LOC400499: variants seen among roughly 807,000 people sequenced by gnomAD.
At chr16:11,471,952 G>T in the LOC400499 span, 10 of 397,332 alleles carry the variant, frequency 2.5e-5, no homozygotes, top group Non-Finnish European at 3.5e-5. Context: ...ATGTAGACAG[G>T]ACTCCTGTGA....
At chr16:11,425,570 C>T in the LOC400499 span, 20 of 397,516 alleles carry the variant, frequency 5.0e-5, no homozygotes, top group Non-Finnish European at 8.4e-5. Context: ...TCAGAAATGG[C>T]ACATTTGTGA....
chr16:11,496,135 C>G, the LOC400499 span, among the ~76,000 whole-genome samples: 1 of 151,234 alleles, frequency 6.6e-6, no homozygotes, highest in Non-Finnish European at 1.5e-5. Flanking sequence ...GGCACAATCT[C>G]AGCTCACTGC....
At chr16:11,493,500 C>A in the LOC400499 span, 1 of 388,618 alleles carries the variant, frequency 2.6e-6, no homozygotes, top group South Asian at 1.4e-4. Context: ...GACCTGGATA[C>A]CTGTTCACAC....
the LOC400499 span, chr16:11,396,387 T>C: frequency 2.1e-6 from 2 of 939,700 alleles, no homozygotes; most frequent in Non-Finnish European, 2.8e-6. Context: ...TGGTTTGCAG[T>C]TCCTCAGATA....
chr16:11,460,469 G>C, the LOC400499 span: 1 of 1,518,260 alleles, frequency 6.6e-7, no homozygotes. Flanking sequence ...CCTGGCCTGG[G>C]AACCCACCTT....
chr16:11,516,457 T>C, the LOC400499 span: 1 of 397,534 alleles, frequency 2.5e-6, no homozygotes, highest in South Asian at 1.4e-4. Flanking sequence ...TAGATAGCCT[T>C]TGTTCCCTCT....
At chr16:11,436,714 A>G in the LOC400499 span, among the ~76,000 whole-genome samples, 1 of 151,678 alleles carries the variant, frequency 6.6e-6, no homozygotes, top group Non-Finnish European at 1.5e-5. Context: ...CAGCCTCCCG[A>G]GTAGCTGGAA....
the LOC400499 span, chr16:11,430,970 G>C: frequency 1.5e-5 from 6 of 398,526 alleles, no homozygotes; most frequent in Non-Finnish European, 2.2e-5. Flanking sequence ...GGGTGGAAAT[G>C]AATCTACCTT....
At chr16:11,439,255 C>T in the LOC400499 span, among the ~76,000 whole-genome samples, 1 of 152,118 alleles carries the variant, frequency 6.6e-6, no homozygotes, top group Non-Finnish European at 1.5e-5. Flanking sequence ...GAAATGTGAT[C>T]CTTCACCCCC....
At chr16:11,499,441 G>C in the LOC400499 span, among the ~76,000 whole-genome samples, 1 of 152,018 alleles carries the variant, frequency 6.6e-6, no homozygotes, top group Admixed American at 6.5e-5. Context: ...CTGGTGGCCA[G>C]CGTGCCACCT....
the LOC400499 span, chr16:11,411,175 G>A: frequency 2.0e-5 from 8 of 398,976 alleles, no homozygotes; most frequent in African/African-American, 1.4e-4. Flanking sequence ...CCCCAGAGGG[G>A]CCTGGCCCCC....
the LOC400499 span, among the ~76,000 whole-genome samples, chr16:11,502,726 C>T: frequency 6.6e-5 from 10 of 151,686 alleles, no homozygotes; most frequent in East Asian, 3.9e-4. Context: ...GCGATTCTCC[C>T]GCCTCAGCCT....
the LOC400499 span, among the ~76,000 whole-genome samples, chr16:11,449,635 G>C: frequency 7.4e-4 from 113 of 152,320 alleles, no homozygotes; most frequent in African/African-American, 2.7e-3. Flanking sequence ...CAGGAGAAGT[G>C]ACAAGGACAA....
chr16:11,424,453 C>T, the LOC400499 span: 1 of 398,622 alleles, frequency 2.5e-6, no homozygotes, highest in African/African-American at 2.1e-5. Context: ...GGCCAGCACA[C>T]CTGCTCTCTA....
the LOC400499 span, chr16:11,469,679 A>C: frequency 1.0e-5 from 4 of 398,900 alleles, no homozygotes. Flanking sequence ...TGGAAATAGC[A>C]GAGTCTTCAA....
chr16:11,460,713 C>A, the LOC400499 span: 6 of 1,415,340 alleles, frequency 4.2e-6, no homozygotes, highest in East Asian at 1.3e-4. Context: ...TCAGCCACAC[C>A]CCCCATGCTT....
chr16:11,405,161 G>A, the LOC400499 span, among the ~76,000 whole-genome samples: 2 of 152,176 alleles, frequency 1.3e-5, no homozygotes, highest in Non-Finnish European at 2.9e-5. Flanking sequence ...ACCTCTCTGA[G>A]CCTCAGTTTC....
the LOC400499 span, among the ~76,000 whole-genome samples, chr16:11,463,065 G>A: frequency 2.6e-5 from 4 of 152,178 alleles, no homozygotes; most frequent in Non-Finnish European, 5.9e-5. Flanking sequence ...AAGTCCTTGT[G>A]AAGGCCAGCG....
chr16:11,524,323 C>T, the LOC400499 span, among the ~76,000 whole-genome samples: 1 of 147,438 alleles, frequency 6.8e-6, no homozygotes. Flanking sequence ...TGCATCCATC[C>T]ATTCACCCAC....
Sources: gnomAD v4.1 joint callset for allele counts (sites outside exome capture counted in the v4.1 genomes callset) on GRCh38, gnomAD v4.1.1 for gene constraint, MANE v1.5 for transcripts.